GFI1B: variants seen among roughly 807,000 people sequenced by gnomAD.
GFI1B encodes the protein zinc finger protein Gfi-1b.
GFI1B carries 20 observed loss-of-function variants against 35.3 expected under a neutral mutation model. The observed-to-expected ratio is 0.57, with a 90% CI of 0.40 to 0.82. The LOEUF is 0.82. Among genes scored for constraint, GFI1B ranks in the 40% least tolerant of loss-of-function variants. GFI1B has a pLI of 0.00. For missense variants in GFI1B, 430 were observed against 446.3 expected, an observed-to-expected ratio of 0.96 and a Z score of 0.33; for synonymous variants, 178 against 177.6, an observed-to-expected ratio of 1.00 and a Z score of -0.02.
At chr9:132,978,449 T>C (rs1198848893), upstream of GFI1B, 1 of 152,268 alleles carries the variant, frequency 6.6e-6, no homozygotes, top group Non-Finnish European at 1.5e-5. Context: ...TAGCCATCAC[T>C]TTCTTTTTGT....
intron 1 of GFI1B, among the ~76,000 whole-genome samples, chr9:132,960,179 C>A (rs1323756165): frequency 6.6e-6 from 1 of 152,160 alleles, no homozygotes; most frequent in Non-Finnish European, 1.5e-5. Context: ...GAGGGTGAGA[C>A]TTGAACTTTG....
At chr9:132,960,019 T>C (rs1848340825) in intron 1 of GFI1B, among the ~76,000 whole-genome samples, 1 of 152,170 alleles carries the variant, frequency 6.6e-6, no homozygotes, top group African/African-American at 2.4e-5. Flanking sequence ...TTCAGTCCCC[T>C]ATACCTGCTG....
At chr9:132,972,690 A>G (rs1848550965) in intron 1 of GFI1B, 1 of 152,272 alleles carries the variant, frequency 6.6e-6, no homozygotes, top group African/African-American at 2.4e-5. Flanking sequence ...AACAGCATGT[A>G]CCTGTACACA....
At chr9:132,956,313 T>C (rs1244871169) in intron 1 of GFI1B, among the ~76,000 whole-genome samples, 1 of 151,800 alleles carries the variant, frequency 6.6e-6, no homozygotes, top group Non-Finnish European at 1.5e-5. Context: ...ATTTTTTTTT[T>C]GGCAAAGAAA....
chr9:132,982,158 C>G (rs1848848788), intron 1 of GFI1B, among the ~76,000 whole-genome samples: 1 of 152,230 alleles, frequency 6.6e-6, no homozygotes, highest in Admixed American at 6.5e-5. Context: ...ACCCGAGTGA[C>G]AAGTCTTTTA....
In GFI1B at chr9:132,989,324, C is replaced by T; in HGVS notation, c.648+126C>T. Reference sequence around the variant, plus strand: ...GGGTGACACAGATTGGGAGGGGTCCCCTAGTACCCACCTCCCTGGGTCTGG... The same window carrying T: ...GGGTGACACAGATTGGGAGGGGTCCTCTAGTACCCACCTCCCTGGGTCTGG... On this transcript the variant is annotated intron_variant, in intron 5 of 6. Transcript: ENST00000372122. This position sits in a 1 kb window ranked among gnomAD's most constrained non-coding sequence, Gnocchi z 6.2. The T allele has an allele frequency of 1.1e-6, 1 of 911,314 alleles. No individual in the cohort carries two copies. The highest frequency in any genetic ancestry group is 2.6e-5 in the East Asian group (1 of 38,772). 56.5% of individuals were successfully genotyped at this position (911,314 alleles called of 1,614,324 possible).
rs1180371977 is a variant in GFI1B at position 132,989,636 on chromosome 9, GCTC to G, written c.649-101_649-99del. On this transcript the variant is annotated intron_variant, in intron 5 of 6. Transcript: ENST00000372122. The surrounding 1 kb of genome is among the most constrained non-coding windows in gnomAD (Gnocchi z 6.2). ...CAGAGATGAGGGGTCCCCCGGTCCT[GCTC>G]CTCCAGGCCGCCCCAATGGAGTGTC... 1.2e-6 allele frequency: 1 copy of G among 857,794 alleles called. No individual in the cohort carries two copies. The highest frequency in any genetic ancestry group is 1.7e-5 in the African/African-American group (1 of 59,972). 53.1% of individuals were successfully genotyped at this position (857,794 alleles called of 1,614,324 possible).
At chr9:132,983,449 C>A (rs767598629) in intron 1 of GFI1B, among the ~76,000 whole-genome samples, 6 of 152,094 alleles carry the variant, frequency 3.9e-5, no homozygotes, top group Non-Finnish European at 8.8e-5. Context: ...TCCGCCTCGG[C>A]CTCCCAAAAT....
intron 1 of GFI1B, among the ~76,000 whole-genome samples, chr9:132,957,866 A>G (rs1038637340): frequency 2.0e-5 from 3 of 152,192 alleles, no homozygotes; most frequent in Non-Finnish European, 2.9e-5. Context: ...TACTAATGTC[A>G]GCCAACAGGC....
In GFI1B at chr9:132,990,943, C is replaced by A; in HGVS notation, c.886C>A (p.Arg296Ser). 6.2e-7 allele frequency: 1 copy of A among 1,614,194 alleles called. No individual in the cohort carries two copies. The highest frequency in any genetic ancestry group is 8.5e-7 in the Non-Finnish European group (1 of 1,179,996). The change falls in exon 7 of 7, where the codon CGC becomes AGC. Residue 296 changes from arginine to serine, a missense_variant. Physicochemically the swap from Arg to Ser is moderately radical, Grantham distance 110. Transcript: ENST00000372122. ...GAGCTCCAACCTCATCACCCACAGC[C>A]GCAAGCACACAGGCTTCAAGCCCTT... Reference protein sequence around the residue: ...SQSSNLITHSRKHTGFKPFSC... With the variant: ...SQSSNLITHSSKHTGFKPFSC...
At chr9:132,965,922 A>C (rs1329100810) in intron 1 of GFI1B, among the ~76,000 whole-genome samples, 1 of 152,248 alleles carries the variant, frequency 6.6e-6, no homozygotes, top group African/African-American at 2.4e-5. Context: ...ATAAATAAAA[A>C]TCCATGAGTT....
intron 1 of GFI1B, among the ~76,000 whole-genome samples, chr9:132,979,246 CTTTTTTTTT>C (rs34125755): frequency 6.7e-4 from 64 of 95,644 alleles, no homozygotes; most frequent in Non-Finnish European, 7.3e-4. Flanking sequence ...TCCTGGGACA[CTTTTTTTTT>C]TTTTTTTTTT....
upstream of GFI1B, among the ~76,000 whole-genome samples, chr9:132,974,079 G>A (rs180793679): frequency 6.3e-4 from 96 of 152,336 alleles, no homozygotes; most frequent in African/African-American, 2.1e-3. Context: ...AGATCATGGC[G>A]TGAGGATGAG....
intron 1 of GFI1B, among the ~76,000 whole-genome samples, chr9:132,968,767 T>C (rs1170707291): frequency 4.6e-5 from 7 of 152,186 alleles, no homozygotes; most frequent in Admixed American, 4.6e-4. Flanking sequence ...CTCAGAGGCA[T>C]GGAGGTTTTG....
intron 1 of GFI1B, among the ~76,000 whole-genome samples, chr9:132,967,538 A>T (rs962614630): frequency 2.0e-5 from 3 of 152,202 alleles, no homozygotes; most frequent in Non-Finnish European, 4.4e-5. Flanking sequence ...CTAAAAGAGG[A>T]ACTATCAAAG....
chr9:132,990,131 G>A (rs910712372), intron 6 of GFI1B, among the ~76,000 whole-genome samples: 5 of 152,264 alleles, frequency 3.3e-5, no homozygotes, highest in Non-Finnish European at 7.3e-5. Flanking sequence ...TGATCTCATG[G>A]CAGACATGAG....
chr9:132,951,533 G>C (rs563881708), intron 1 of GFI1B: 1 of 152,320 alleles, frequency 6.6e-6, no homozygotes, highest in Non-Finnish European at 1.5e-5. Context: ...CATTGGAAAA[G>C]AGTCATTAAT....
At chr9:132,959,050 G>A (rs1848326921) in intron 1 of GFI1B, among the ~76,000 whole-genome samples, 1 of 152,170 alleles carries the variant, frequency 6.6e-6, no homozygotes, top group African/African-American at 2.4e-5. Flanking sequence ...TTCTCTGTCT[G>A]TAAAATGGAG....
chr9:132,966,516 A>G (rs1372228613), intron 1 of GFI1B, among the ~76,000 whole-genome samples: 1 of 152,246 alleles, frequency 6.6e-6, no homozygotes, highest in Non-Finnish European at 1.5e-5. Flanking sequence ...TAATGAGAGA[A>G]AGCTCTTCTT....
Sources: allele counts gnomAD v4.1 joint callset (sites outside exome capture counted in the v4.1 genomes callset), GRCh38; gene constraint gnomAD v4.1.1; non-coding constraint Gnocchi (gnomAD v3.1); transcripts MANE v1.5; gene names NCBI Gene and HGNC (gene_info 2026-07-23, HGNC 2026-07-21).